Variants in LDLRAD3 observed in about 807,000 individuals in gnomAD.
LDLRAD3 encodes the protein low-density lipoprotein receptor class A domain-containing protein 3.
In LDLRAD3, 20 loss-of-function variants were observed where a neutral mutation model predicts 29.4. The ratio of observed to expected loss-of-function variants is 0.68; its 90% CI spans 0.48 to 0.99. LDLRAD3 has a LOEUF of 0.99. Among genes scored for constraint, LDLRAD3 ranks in the 50% least tolerant of loss-of-function variants. The pLI is 0.00. For synonymous variants in LDLRAD3, 157 were observed against 192.7 expected (o/e 0.81, Z 1.53); for missense variants, 420 against 454.3 (o/e 0.92, Z 0.69).
At chr11:36,047,869 T>G (rs1038530773) in intron 2 of LDLRAD3, among the ~76,000 whole-genome samples, 1 of 152,208 alleles carries the variant, frequency 6.6e-6, no homozygotes, top group African/African-American at 2.4e-5. Context: ...TCAGCTGTAC[T>G]CTTCCTGGCA....
At chr11:36,103,303 C>T (rs2133279145) in intron 4 of LDLRAD3, among the ~76,000 whole-genome samples, 1 of 143,640 alleles carries the variant, frequency 7.0e-6, no homozygotes, top group Admixed American at 7.3e-5. Context: ...GTGGCGCGAT[C>T]TCAGCCTGAC....
chr11:36,184,951 GA>G (rs1199724858), intron 4 of LDLRAD3, among the ~76,000 whole-genome samples: 2 of 152,082 alleles, frequency 1.3e-5, no homozygotes, highest in Non-Finnish European at 2.9e-5. Flanking sequence ...ATTGCCCTTG[GA>G]AGAAAATTTG....
chr11:36,143,620 G>C (rs1465422445), intron 4 of LDLRAD3, among the ~76,000 whole-genome samples: 2 of 152,154 alleles, frequency 1.3e-5, no homozygotes, highest in Non-Finnish European at 2.9e-5. Flanking sequence ...TGTATTAGTT[G>C]GCTGTGGCTG....
At chr11:36,002,201 A>G (rs1851833584) in intron 1 of LDLRAD3, among the ~76,000 whole-genome samples, 1 of 152,198 alleles carries the variant, frequency 6.6e-6, no homozygotes, top group African/African-American at 2.4e-5. Context: ...GTTGTTACAA[A>G]CATCACTGTG....
At chr11:36,011,152 T>A (rs570114427) in intron 1 of LDLRAD3, among the ~76,000 whole-genome samples, 14 of 152,308 alleles carry the variant, frequency 9.2e-5, no homozygotes, top group Non-Finnish European at 2.1e-4. Context: ...TCTGTGGCAT[T>A]TATGACTTCC....
intron 4 of LDLRAD3, among the ~76,000 whole-genome samples, chr11:36,168,858 A>G (rs1377167108): frequency 6.6e-6 from 1 of 152,184 alleles, no homozygotes; most frequent in Admixed American, 6.5e-5. Context: ...TCTCTAATTC[A>G]TCAAATTAAG....
chr11:35,954,867 A>G (rs1335640031), intron 1 of LDLRAD3, among the ~76,000 whole-genome samples: 3 of 152,220 alleles, frequency 2.0e-5, no homozygotes, highest in East Asian at 1.9e-4. Flanking sequence ...GAAAACTGCT[A>G]TGCATCTTAA....
At chr11:36,033,700 G>A (rs558502457) in intron 1 of LDLRAD3, among the ~76,000 whole-genome samples, 1 of 152,280 alleles carries the variant, frequency 6.6e-6, no homozygotes, top group African/African-American at 2.4e-5. Context: ...GGGTTTTCTG[G>A]GTTGAGCATT....
At chr11:35,966,636 T>C (rs1590691121) in intron 1 of LDLRAD3, among the ~76,000 whole-genome samples, 1 of 147,834 alleles carries the variant, frequency 6.8e-6, no homozygotes, top group African/African-American at 2.6e-5. Flanking sequence ...CAAGTTTTCC[T>C]TGAACCTTCT....
chr11:36,081,886 C>A, intron 3 of LDLRAD3, 108 bp downstream of exon 3: 1 of 1,317,940 alleles, frequency 7.6e-7, no homozygotes, highest in Non-Finnish European at 1.1e-6. Context: ...GAGGCTCAGG[C>A]ATTCTCTTCT....
intron 1 of LDLRAD3, among the ~76,000 whole-genome samples, chr11:35,951,870 A>T (rs1430532456): frequency 6.6e-6 from 1 of 152,240 alleles, no homozygotes; most frequent in Non-Finnish European, 1.5e-5. Context: ...GCCAGTGACC[A>T]ATAAATCACA....
intron 4 of LDLRAD3, among the ~76,000 whole-genome samples, chr11:36,208,353 A>T (rs573816643): frequency 1.3e-5 from 2 of 152,328 alleles, no homozygotes; most frequent in South Asian, 4.1e-4. Flanking sequence ...GAAGTTCAAG[A>T]TCAAGGCGCG....
At chr11:36,130,742 T>C (rs564514658) in intron 4 of LDLRAD3, among the ~76,000 whole-genome samples, 3 of 152,292 alleles carry the variant, frequency 2.0e-5, no homozygotes, top group South Asian at 4.1e-4. Flanking sequence ...TCACAGCAGC[T>C]GGTTGAGGAG....
intron 2 of LDLRAD3, among the ~76,000 whole-genome samples, chr11:36,079,670 G>T (rs565784485): frequency 6.6e-6 from 1 of 152,300 alleles, no homozygotes; most frequent in East Asian, 1.9e-4. Context: ...AGCAGCGAAG[G>T]GGCTATCTGC....
rs560231737 is a variant in LDLRAD3, at chr11:36,091,593, A to G, written c.320-6734A>G. 3.3e-5 allele frequency among the ~76,000 whole-genome samples: 5 copies of G among 152,198 alleles called. 1 individual carries two copies. The highest frequency in any genetic ancestry group is 1.2e-4 in the African/African-American group (5 of 41,546). On this transcript the variant is annotated intron_variant, in intron 3 of 5. Coordinates refer to ENST00000315571, the MANE Select transcript of LDLRAD3 (RefSeq NM_174902.4). ...TGTGTTTTTTTGGGTAATAATAACC[A>G]AGGAGCTTTTGAGCCTATGGTTCAG... is the stretch of plus-strand genomic sequence containing the variant.
At position 36,036,197 on chromosome 11, in the gene LDLRAD3, G is replaced by C; in HGVS notation, c.141G>C (p.Trp47Cys). 2 of 1,614,180 alleles carry C rather than the reference G, an allele frequency of 1.2e-6. No homozygotes were observed. The highest frequency in any genetic ancestry group is 1.7e-6 in the Non-Finnish European group (2 of 1,180,038). The change falls in exon 2 of 6, where the codon TGG becomes TGC. Residue 47 changes from tryptophan to cysteine, a missense_variant. Around this residue, in one of 3 missense-constraint regions of LDLRAD3, gnomAD observed 224 missense variants for 222.2 expected, o/e 1.01. Transcript: ENST00000315571. Reference protein sequence around the residue: ...CSNGRCIPGAWQCDGLPDCFD... With the variant: ...CSNGRCIPGACQCDGLPDCFD... ...ATGGACGGTGCATCCCGGGCGCCTG[G>C]CAGTGTGACGGGCTGCCTGACTGCT... is the stretch of plus-strand genomic sequence containing the variant.
At chr11:36,063,746 C>G (rs1055877627) in intron 2 of LDLRAD3, among the ~76,000 whole-genome samples, 2 of 152,174 alleles carry the variant, frequency 1.3e-5, no homozygotes, top group Non-Finnish European at 2.9e-5. Context: ...TCTAGACACT[C>G]AATTTTATTT....
chr11:36,184,269 A>T (rs1041833668), intron 4 of LDLRAD3, among the ~76,000 whole-genome samples: 2 of 152,164 alleles, frequency 1.3e-5, no homozygotes. Context: ...CCAGTCTTCC[A>T]TCATTTTTTA....
At chr11:36,019,436 C>T (rs1043434791) in intron 1 of LDLRAD3, among the ~76,000 whole-genome samples, 5 of 152,202 alleles carry the variant, frequency 3.3e-5, no homozygotes, top group Admixed American at 6.5e-5. Flanking sequence ...GCCATTATTC[C>T]TCTCTTCACA....
Sources: allele counts gnomAD v4.1 joint callset (sites outside exome capture counted in the v4.1 genomes callset), GRCh38; gene constraint gnomAD v4.1.1; regional missense constraint gnomAD v4.1.1; transcripts MANE v1.5; gene names NCBI Gene and HGNC (gene_info 2026-07-23, HGNC 2026-07-21).